The following CTCF variants were observed in gnomAD, a reference collection of about 807,000 sequenced individuals.
CTCF encodes the protein transcriptional repressor CTCF.
Under a neutral mutation model 72.3 loss-of-function variants are expected in CTCF, and 7 were observed. That is an observed-to-expected ratio of 0.10 (90% CI 0.06 to 0.18). CTCF has a LOEUF of 0.18. Among genes scored for constraint, CTCF ranks in the 10% least tolerant of loss-of-function variants. The probability of loss-of-function intolerance (pLI) is 1.00; values close to 1 mark genes in which losing one functional copy is unlikely to be tolerated. For synonymous variants in CTCF, 374 were observed against 315.8 expected (o/e 1.18, Z -1.95); for missense variants, 516 against 949.1 (o/e 0.54, Z 6.00).
At chr16:67,616,977 A>T (rs976846879) in intron 5 of CTCF, 99 bp downstream of exon 5, 2 of 1,250,308 alleles carry the variant, frequency 1.6e-6, no homozygotes, top group African/African-American at 3.0e-5. Context: ...AAGATGAGGT[A>T]GAAAAATGTT....
chr16:67,624,385 C>G (rs2052253443), intron 7 of CTCF, among the ~76,000 whole-genome samples: 1 of 151,918 alleles, frequency 6.6e-6, no homozygotes, highest in African/African-American at 2.4e-5. Context: ...GTAGTGAAGA[C>G]TCCTTTCCAC....
At position 67,637,993 on chromosome 16, in the gene CTCF, C is replaced by T. The variant is rs1398350719; in HGVS notation, c.*121C>T. On this transcript the variant is annotated 3_prime_UTR_variant, in exon 12 of 12. Transcript: ENST00000264010. ...AAAAGCATCATTTTACCAAACATAC[C>T]GAGAACGAAAACTTCAAGGATGATG... 6.7e-6 allele frequency: 6 copies of T among 897,274 alleles called. No homozygotes were observed. The East Asian group carries it at 1.1e-4, about 16-fold the overall frequency. The allele number at this position is 897,274 out of a possible 1,614,324, so 55.6% of individuals were successfully genotyped here.
At position 67,616,770 on chromosome 16, in the gene CTCF, C is replaced by T. The variant is rs2052136874; in HGVS notation, c.978C>T (p.Asp326=). 2 of 1,614,186 alleles carry T rather than the reference C, an allele frequency of 1.2e-6. No homozygotes were observed. Among genetic ancestry groups the T allele is most frequent in the Non-Finnish European group, 8.5e-7 (1 of 1,180,018 alleles). ...GTACTCGTCCTCACAAGTGCCCAGA[C>T]TGCGACATGGCCTTTGTGACCAGTG... ...HTGTRPHKCP[D]CDMAFVTSGE... Residue 326 remains aspartate (D), a synonymous_variant, in exon 5 of 12, where the codon GAC becomes GAT. Coordinates refer to ENST00000264010, the MANE Select transcript of CTCF (RefSeq NM_006565.4).
At chr16:67,604,730 G>GTTTTTTTTTTTTTTTT (rs533827293) in intron 2 of CTCF, among the ~76,000 whole-genome samples, 15 of 123,728 alleles carry the variant, frequency 1.2e-4, no homozygotes, top group South Asian at 7.5e-4. Flanking sequence ...TTTCACCAGG[G>GTTTTTTTTTTTTTTTT]TTTTTTTTTT....
chr16:67,571,989 A>G (rs552386688), intron 2 of CTCF, among the ~76,000 whole-genome samples: 5 of 152,212 alleles, frequency 3.3e-5, no homozygotes, highest in African/African-American at 1.2e-4. Context: ...CGGAAAGCAC[A>G]TTTTTTTCAG....
intron 2 of CTCF, among the ~76,000 whole-genome samples, chr16:67,580,962 T>C (rs2051571883): frequency 6.6e-6 from 1 of 151,248 alleles, no homozygotes; most frequent in African/African-American, 2.4e-5. Context: ...GGAATCTCGC[T>C]CTTTCGCCCA....
intron 4 of CTCF, chr16:67,616,509 A>T: frequency 2.1e-6 from 1 of 484,028 alleles, no homozygotes; most frequent in Non-Finnish European, 3.7e-6. Flanking sequence ...CAGCGGATTC[A>T]GATGGGTAAT....
intron 2 of CTCF, among the ~76,000 whole-genome samples, chr16:67,573,125 A>G (rs2051447389): frequency 6.7e-6 from 1 of 150,326 alleles, no homozygotes; most frequent in African/African-American, 2.5e-5. Context: ...AGTGGCGGGA[A>G]CCTGTAATGC....
intron 2 of CTCF, among the ~76,000 whole-genome samples, chr16:67,605,008 T>C (rs1425744160): frequency 7.1e-5 from 10 of 140,388 alleles, no homozygotes; most frequent in Non-Finnish European, 1.4e-4. Context: ...AGTCTCGCTC[T>C]GTCTCCCAGG....
intron 1 of CTCF, among the ~76,000 whole-genome samples, chr16:67,569,276 C>T (rs1478316730): frequency 6.6e-6 from 1 of 152,036 alleles, no homozygotes; most frequent in Non-Finnish European, 1.5e-5. Flanking sequence ...AGCTCCGCCT[C>T]CTGGGTTCAA....
chr16:67,609,380 A>G (rs1353930652), intron 2 of CTCF, among the ~76,000 whole-genome samples: 1 of 152,200 alleles, frequency 6.6e-6, no homozygotes, highest in African/African-American at 2.4e-5. Flanking sequence ...GTCCTTTACC[A>G]GTGTCTTCCC....
At position 67,620,777 on chromosome 16, in the gene CTCF, G is replaced by A. The variant is rs2142847845; in HGVS notation, c.1167G>A (p.Arg389=). 1.2e-6 allele frequency: 2 copies of A among 1,602,840 alleles called. No individual in the cohort carries two copies. The highest frequency in any genetic ancestry group is 1.7e-6 in the Non-Finnish European group (2 of 1,171,566). Residue 389 remains arginine, a synonymous_variant, in exon 6 of 12, where the codon AGG becomes AGA. Transcript: ENST00000264010. ...GCAGTTTGTGCAGTTATGCCAGCAG[G>A]GACACATACAAGCTGAAAAGGCACA... is the stretch of plus-strand genomic sequence containing the variant. The part of the protein sequence containing the change: ...FQCSLCSYAS[R]DTYKLKRHMR...
At chr16:67,612,362 G>A (rs2052072356) in intron 4 of CTCF, 2 of 324,616 alleles carry the variant, frequency 6.2e-6, no homozygotes, top group East Asian at 1.3e-4. Flanking sequence ...GGCAATAGAT[G>A]CCTGGTACTA....
At chr16:67,566,939 G>C (rs1441679196) in intron 1 of CTCF, among the ~76,000 whole-genome samples, 1 of 151,950 alleles carries the variant, frequency 6.6e-6, no homozygotes, top group Non-Finnish European at 1.5e-5. Flanking sequence ...GCAGTGGTGT[G>C]ATCACAGCTC....
At chr16:67,605,647 C>T (rs748117299) in intron 2 of CTCF, among the ~76,000 whole-genome samples, 6 of 152,232 alleles carry the variant, frequency 3.9e-5, no homozygotes, top group Admixed American at 6.5e-5. Context: ...AGAGCTTTCA[C>T]ACCCAACTGG....
At chr16:67,620,913 A>C (rs1266739982) in intron 6 of CTCF, 96 bp downstream of exon 6, 31 of 1,005,216 alleles carry the variant, frequency 3.1e-5, no homozygotes. Flanking sequence ...TGTTTATATG[A>C]ATGAAGACTG....
At chr16:67,629,567 G>A (rs2142870319) in intron 10 of CTCF, 34 bp downstream of exon 10, 1 of 1,606,652 alleles carries the variant, frequency 6.2e-7, no homozygotes, top group Non-Finnish European at 8.5e-7. Flanking sequence ...GCTTACTATG[G>A]CAGGCTTTGG....
chr16:67,574,231 G>T (rs936624337), intron 2 of CTCF, among the ~76,000 whole-genome samples: 1 of 152,100 alleles, frequency 6.6e-6, no homozygotes. Flanking sequence ...TGACCAACTG[G>T]CTTCAAGTTG....
chr16:67,624,402 T>C (rs1462115119), intron 7 of CTCF, among the ~76,000 whole-genome samples: 1 of 151,960 alleles, frequency 6.6e-6, no homozygotes, highest in Non-Finnish European at 1.5e-5. Context: ...CCACTCTTCT[T>C]CCTAAGAGAT....
Sources: allele counts gnomAD v4.1 joint callset (sites outside exome capture counted in the v4.1 genomes callset), GRCh38; gene constraint gnomAD v4.1.1; transcripts MANE v1.5; gene names NCBI Gene and HGNC (gene_info 2026-07-23, HGNC 2026-07-21).